Variants in COL18A1 observed in about 807,000 individuals in gnomAD.
COL18A1 encodes collagen type XVIII alpha 1 chain.
A neutral mutation model predicts 168.0 loss-of-function variants in COL18A1; 133 were observed. The observed-to-expected ratio is 0.79, with a 90% confidence interval of 0.69 to 0.91. The LOEUF (loss-of-function observed/expected upper bound fraction) is 0.91. Ranked by LOEUF, COL18A1 falls within the 40% of genes least tolerant of loss-of-function variation. The probability of loss-of-function intolerance (pLI) is 0.00; values close to 1 mark genes in which losing one functional copy is unlikely to be tolerated. For missense variants in COL18A1, 2,126 were observed against 1,925.4 expected (o/e 1.10, Z -1.95); for synonymous variants, 949 against 809.0 (o/e 1.17, Z -2.94).
At chr21:45,405,894 C>T (rs1315066085) in intron 2 of COL18A1, among the ~76,000 whole-genome samples, 3 of 151,800 alleles carry the variant, frequency 2.0e-5, no homozygotes, top group Admixed American at 6.6e-5. Context: ...GCGTCGTCTC[C>T]GCGTTTCCAA....
chr21:45,455,984 C>G (rs748188616), intron 2 of COL18A1: 1 of 1,612,972 alleles, frequency 6.2e-7, no homozygotes, highest in Non-Finnish European at 8.5e-7. Flanking sequence ...TGTGGGCCCC[C>G]TTGCCCTCGC....
intron 2 of COL18A1, among the ~76,000 whole-genome samples, chr21:45,434,625 T>TCAGAGGGTGG (rs1191518990): frequency 6.6e-6 from 1 of 151,906 alleles, no homozygotes; most frequent in African/African-American, 2.4e-5. Context: ...CATCTTCTCC[T>TCAGAGGGTGG]CAGAGGGTGG....
chr21:45,510,232 C>T lies in COL18A1; in HGVS notation c.3664C>T (p.Arg1222Cys), dbSNP rs772118023. 15 of 1,606,260 alleles carry T rather than the reference C, an allele frequency of 9.3e-6. No homozygotes were observed. Among genetic ancestry groups the T allele is most frequent in the East Asian group, 2.3e-5 (1 of 44,440 alleles). Residue 1222 changes from arginine (R) to cysteine (C), a missense_variant, in exon 40 of 42, where the codon CGC becomes TGC. Arg to Cys is a radical substitution (Grantham distance 180). Transcript: ENST00000651438. ...DLYSIVRRAD[R>C]AAVPIVNLKD... ...GTACAGCATCGTGCGCCGTGCCGAC[C>T]GCGCAGCCGTGCCCATCGTCAACCT...
intron 21 of COL18A1, 93 bp downstream of exon 21, chr21:45,490,964 G>T (rs1311764419): frequency 1.6e-6 from 2 of 1,251,768 alleles, no homozygotes; most frequent in East Asian, 5.1e-5. Flanking sequence ...TGCCCCTGCT[G>T]CCCATGTGAC....
chr21:45,512,574 T>G lies in COL18A1; in HGVS notation c.*176T>G. ...AAAGGAAGCCAAAGAGTGTATTTTTTTAAAAGTTTAAAACAGAAGCCTGAT... is the reference window on the plus strand; with the variant it reads ...AAAGGAAGCCAAAGAGTGTATTTTTGTAAAAGTTTAAAACAGAAGCCTGAT... On this transcript the variant is annotated 3_prime_UTR_variant, in exon 42 of 42. Coordinates refer to ENST00000651438, the MANE Select transcript of COL18A1 (RefSeq NM_001379500.1). The G allele has an allele frequency of 4.5e-6, 3 of 659,376 alleles. No homozygotes were observed. Among genetic ancestry groups the G allele is most frequent in the South Asian group, 3.8e-5 (2 of 52,462 alleles). The allele number at this position is 659,376 out of a possible 1,614,324, so 40.8% of individuals were successfully genotyped here. A position where few individuals can be genotyped will look rare whatever the true frequency, so the allele number is the denominator to read the frequency against.
At position 45,512,447 on chromosome 21, in the gene COL18A1, G is replaced by GC. The variant is rs1297382266; in HGVS notation, c.*54dup. On this transcript the variant is annotated 3_prime_UTR_variant, in exon 42 of 42. Coordinates refer to ENST00000651438, the MANE Select transcript of COL18A1 (RefSeq NM_001379500.1). ...GGAGAGGACCGGCGGCTCGGAGGAA[G>GC]CCCCCACCGTGGGCAGGGAGCGGCC... 2 of 1,572,896 alleles carry GC rather than the reference G, an allele frequency of 1.3e-6. No homozygotes were observed. Among genetic ancestry groups the GC allele is most frequent in the South Asian group, 1.1e-5 (1 of 87,304 alleles).
chr21:45,477,872 T>C lies in COL18A1; in HGVS notation c.1128T>C (p.Gly376=). ...PGLPCPVSPL[G]PAGPALQTVP... ...TCCCGTGCCCAGTGAGTCCCCTGGGTCCTGCAGGCCCAGCGTTGCAAACTG... is the reference window on the plus strand; with the variant it reads ...TCCCGTGCCCAGTGAGTCCCCTGGGCCCTGCAGGCCCAGCGTTGCAAACTG... The change falls in exon 8 of 42, where the codon GGT becomes GGC. Residue 376 remains glycine (G), a synonymous_variant. Transcript: ENST00000651438. 1.9e-6 allele frequency: 3 copies of C among 1,554,854 alleles called. No individual in the cohort carries two copies. Among genetic ancestry groups the C allele is most frequent in the Non-Finnish European group, 2.6e-6 (3 of 1,148,564 alleles).
intron 2 of COL18A1, among the ~76,000 whole-genome samples, chr21:45,459,520 G>T (rs1403498926): frequency 6.6e-6 from 1 of 152,240 alleles, no homozygotes; most frequent in Non-Finnish European, 1.5e-5. Flanking sequence ...CTCGTCCTGG[G>T]CACTGCCCTG....
intron 2 of COL18A1, among the ~76,000 whole-genome samples, chr21:45,451,346 C>T (rs1271229413): frequency 6.6e-6 from 1 of 152,208 alleles, no homozygotes; most frequent in Non-Finnish European, 1.5e-5. Context: ...ATGTGCAACC[C>T]AGCAGCTGGG....
intron 6 of COL18A1, 79 bp from the exon 7 acceptor site, chr21:45,477,332 G>T: frequency 8.5e-7 from 1 of 1,183,374 alleles, no homozygotes; most frequent in South Asian, 1.3e-5. Flanking sequence ...TTGGGCTGCC[G>T]GGGCCGTCTG....
At chr21:45,487,716 A>G in intron 17 of COL18A1, 1 of 704,400 alleles carries the variant, frequency 1.4e-6, no homozygotes, top group Non-Finnish European at 2.6e-6. Context: ...TCACGGGGTG[A>G]GGGCCTGGTC....
chr21:45,456,759 A>G, intron 2 of COL18A1: 2 of 1,530,876 alleles, frequency 1.3e-6, no homozygotes, highest in Non-Finnish European at 1.8e-6. Context: ...CCCTGCTGCC[A>G]GTTCTGCGAG....
chr21:45,451,519 C>G (rs181180442), intron 2 of COL18A1, among the ~76,000 whole-genome samples: 2 of 152,220 alleles, frequency 1.3e-5, no homozygotes, highest in Admixed American at 6.5e-5. Flanking sequence ...GAGCCATGCT[C>G]TTCCCCAGCT....
Position 45,492,533 on chromosome 21 carries a change from A to G in COL18A1, c.2158-2A>G. The G allele has an allele frequency of 1.2e-6, 2 of 1,613,380 alleles. No homozygotes were observed. Among genetic ancestry groups the G allele is most frequent in the Non-Finnish European group, 1.7e-6 (2 of 1,179,986 alleles). On this transcript the variant is annotated splice_acceptor_variant, in intron 22 of 41. Transcript: ENST00000651438. LOFTEE classifies it high-confidence loss of function. ...CCGATTTTTCCTTTTGCTCGTGGACAGGGATCCGTCCTGAGCGTGCCGGGA... is the reference window on the plus strand; with the variant it reads ...CCGATTTTTCCTTTTGCTCGTGGACGGGGATCCGTCCTGAGCGTGCCGGGA...
intron 32 of COL18A1, among the ~76,000 whole-genome samples, chr21:45,503,521 TA>T (rs1197399844): frequency 6.6e-6 from 1 of 151,236 alleles, no homozygotes; most frequent in Non-Finnish European, 1.5e-5. Context: ...TCATTCTCAG[TA>T]AACTATTGCA....
At chr21:45,452,887 T>C (rs1371070447) in intron 2 of COL18A1, among the ~76,000 whole-genome samples, 3 of 151,878 alleles carry the variant, frequency 2.0e-5, no homozygotes, top group Non-Finnish European at 4.4e-5. Context: ...AGTATTCACA[T>C]GTGACATGTG....
chr21:45,480,338 C>A (rs572690688), intron 11 of COL18A1, 129 bp from the exon 12 acceptor site: 1 of 1,540,204 alleles, frequency 6.5e-7, no homozygotes, highest in East Asian at 2.3e-5. Flanking sequence ...CTGGGGGCAG[C>A]AGAGGGGCCG....
At position 45,498,230 on chromosome 21, in the gene COL18A1, G is replaced by A; in HGVS notation, c.2683+569G>A. ...TGTGAGAAAACCACTGTTTGAGGAT[G>A]TCTGGGGGCTGGCAGAGCAGAAGCC... On this transcript the variant is annotated intron_variant, in intron 32 of 41. Coordinates refer to ENST00000651438, the MANE Select transcript of COL18A1 (RefSeq NM_001379500.1). The surrounding 1 kb of genome is among the most constrained non-coding windows in gnomAD (Gnocchi z 4.5). The A allele has an allele frequency of 1.4e-6, 1 of 703,504 alleles. No homozygotes were observed. Among genetic ancestry groups the A allele is most frequent in the Non-Finnish European group, 2.6e-6 (1 of 384,570 alleles). 43.6% of individuals were successfully genotyped at this position (703,504 alleles called of 1,614,324 possible). A position where few individuals can be genotyped will look rare whatever the true frequency, so the allele number is the denominator to read the frequency against.
chr21:45,441,989 C>T lies in COL18A1; in HGVS notation c.107-26253C>T, dbSNP rs140596978. On this transcript the variant is annotated intron_variant, in intron 2 of 41. Coordinates refer to ENST00000651438, the MANE Select transcript of COL18A1 (RefSeq NM_001379500.1). ...TGGGACCCTCACTCCAGGGAGAGGA[C>T]TGTGCATCTTGTGTGCTTCTCACAG... Among the ~76,000 whole-genome samples the T allele has an allele frequency of 3.4e-3, 514 of 152,350 alleles. 3 individuals carry two copies. Among genetic ancestry groups the T allele is most frequent in the African/African-American group, 0.012 (495 of 41,590 alleles).
Sources: allele counts gnomAD v4.1 joint callset (sites outside exome capture counted in the v4.1 genomes callset), GRCh38; gene constraint gnomAD v4.1.1; non-coding constraint Gnocchi (gnomAD v3.1); transcripts MANE v1.5; gene names NCBI Gene and HGNC (gene_info 2026-07-23, HGNC 2026-07-21).